Variants in PECR observed in about 807,000 individuals in gnomAD.
The protein encoded by PECR is 2,4-dienoyl-CoA reductase-related protein.
PECR carries 30 observed loss-of-function variants against 35.3 expected under a neutral mutation model. The ratio of observed to expected loss-of-function variants is 0.85; its 90% confidence interval spans 0.64 to 1.15. The LOEUF (loss-of-function observed/expected upper bound fraction) is 1.15, where lower values mean the gene tolerates loss of function less well. Among genes scored for constraint, PECR ranks in the 50% most tolerant of loss-of-function variants. PECR has a pLI of 0.00. For missense variants in PECR, 392 were observed against 370.8 expected, an observed-to-expected ratio of 1.06 and a Z score of -0.47; for synonymous variants, 148 against 138.9, an observed-to-expected ratio of 1.07 and a Z score of -0.46.
At chr2:216,061,131 A>C (rs1300705529) in intron 3 of PECR, among the ~76,000 whole-genome samples, 203 of 10,924 alleles carry the variant, frequency 0.019, 1 homozygote, top group African/African-American at 0.073. Flanking sequence ...GGCTCTACCA[A>C]AAAAAAAAAA....
downstream of PECR, among the ~76,000 whole-genome samples, chr2:216,035,362 G>A (rs780695922): frequency 6.6e-6 from 1 of 152,170 alleles, no homozygotes; most frequent in Admixed American, 6.5e-5. Flanking sequence ...GGATGCCAGA[G>A]GGCAGGTTTC....
At chr2:216,075,495 T>C (rs1423895552) in intron 1 of PECR, among the ~76,000 whole-genome samples, 1 of 152,204 alleles carries the variant, frequency 6.6e-6, no homozygotes, top group East Asian at 1.9e-4. Context: ...ACTGTTTTAA[T>C]TTATTGCAAA....
At chr2:216,073,716 A>ATT (rs1394518425) in intron 1 of PECR, among the ~76,000 whole-genome samples, 1 of 152,090 alleles carries the variant, frequency 6.6e-6, no homozygotes, top group East Asian at 1.9e-4. Flanking sequence ...GACCACAGAT[A>ATT]TTTACCTTTG....
intron 4 of PECR, among the ~76,000 whole-genome samples, 190 bp from the exon 5 acceptor site, chr2:216,051,735 C>T (rs561143536): frequency 6.6e-6 from 1 of 152,304 alleles, no homozygotes; most frequent in East Asian, 1.9e-4. Context: ...ATCCAAGCCA[C>T]AGCTGATGAT....
In PECR at chr2:216,065,132, T is replaced by A. The variant is rs1040455036; in HGVS notation, c.424+180A>T. 1.2e-5 allele frequency: 8 copies of A among 640,204 alleles called. No individual in the cohort carries two copies. The African/African-American group carries it at 1.4e-4, about 12-fold the overall frequency. 39.7% of individuals were successfully genotyped at this position (640,204 alleles called of 1,614,324 possible). On this transcript the variant is annotated intron_variant, in intron 3 of 7. Transcript: ENST00000265322. ...AATAAAATGATGAGATTGAAGGATA[T>A]CCACATTTTATAAATATTGCCAAAT...
At chr2:216,042,979 G>GTA (rs10623080) in intron 7 of PECR, among the ~76,000 whole-genome samples, 87,848 of 130,310 alleles carry the variant, frequency 0.67, 29,893 homozygotes, top group Admixed American at 0.73. Flanking sequence ...ACGTATATGT[G>GTA]TATATATATA....
intron 4 of PECR, among the ~76,000 whole-genome samples, chr2:216,055,403 C>G (rs7579787): frequency 0.48 from 72,343 of 149,198 alleles, 19,546 homozygotes; most frequent in Non-Finnish European, 0.59. Flanking sequence ...TGCCATTGCA[C>G]TCCAGCCTGG....
chr2:216,074,585 C>G (rs1420136782), intron 1 of PECR, among the ~76,000 whole-genome samples: 1 of 151,450 alleles, frequency 6.6e-6, no homozygotes, highest in Non-Finnish European at 1.5e-5. Context: ...AACAAGAACA[C>G]CAAGGTGATT....
intron 7 of PECR, 151 bp downstream of exon 7, chr2:216,043,753 A>T: frequency 1.6e-6 from 1 of 621,190 alleles, no homozygotes. Flanking sequence ...ATTTCATTAA[A>T]AAAATCACAT....
chr2:216,063,518 TG>T (rs1452045701), intron 3 of PECR, among the ~76,000 whole-genome samples: 5 of 151,798 alleles, frequency 3.3e-5, no homozygotes, highest in African/African-American at 1.2e-4. Context: ...CTTGGGAGGC[TG>T]AGGCAGGAAA....
chr2:216,081,667 G>A lies in PECR; in HGVS notation c.75C>T (p.Gly25=), dbSNP rs757515951. Residue 25 remains glycine (G), a synonymous_variant, in exon 1 of 8, where the codon GGC becomes GGT. Transcript: ENST00000265322. The stretch of plus-strand genomic sequence containing the variant: ...TGGCTTTTCCGATGCCCGTGGCCCC[G>A]CCGGTGACGATGGCCACTTGGCCCT... The part of the protein sequence containing the change: ...LLQGQVAIVT[G]GATGIGKAIV... 6 of 1,613,596 alleles carry A rather than the reference G, an allele frequency of 3.7e-6. No homozygotes were observed. The East Asian group carries it at 8.9e-5, about 24-fold the overall frequency.
chr2:216,058,341 C>T (rs926906869), intron 4 of PECR, among the ~76,000 whole-genome samples: 5 of 151,990 alleles, frequency 3.3e-5, no homozygotes, highest in African/African-American at 1.2e-4. Flanking sequence ...CTGCATAATC[C>T]AGGAAATGAG....
intron 3 of PECR, among the ~76,000 whole-genome samples, chr2:216,064,958 T>C (rs1418275927): frequency 6.6e-6 from 1 of 152,348 alleles, no homozygotes; most frequent in Admixed American, 6.5e-5. Flanking sequence ...GTATTCTCCC[T>C]GAATTTATTA....
At chr2:216,040,951 T>C (rs895715258) in intron 7 of PECR, among the ~76,000 whole-genome samples, 123 of 152,174 alleles carry the variant, frequency 8.1e-4, no homozygotes, top group African/African-American at 2.9e-3. Context: ...TATGTGTCCC[T>C]GCATACAGGA....
At chr2:216,045,903 C>G (rs1001759133) in intron 6 of PECR, among the ~76,000 whole-genome samples, 2 of 152,140 alleles carry the variant, frequency 1.3e-5, no homozygotes, top group Non-Finnish European at 2.9e-5. Flanking sequence ...ACCGGCCAGA[C>G]GCGGTGGCTC....
In PECR at chr2:216,048,333, C is replaced by T. The variant is rs192166650; in HGVS notation, c.714+930G>A. Among the ~76,000 whole-genome samples, 855 of 151,372 alleles carry T rather than the reference C, an allele frequency of 5.6e-3. 11 individuals carry two copies. Among genetic ancestry groups the T allele is most frequent in the African/African-American group, 0.02 (810 of 41,174 alleles). On this transcript the variant is annotated intron_variant, in intron 6 of 7. Transcript: ENST00000265322. ...CTCGTGATCCGCCTGCCTCGGCCTC[C>T]CAAAGTGCTGGGATTACAGGCATGA...
downstream of PECR, among the ~76,000 whole-genome samples, chr2:216,034,277 CT>C (rs1400016131): frequency 6.6e-6 from 1 of 152,194 alleles, no homozygotes; most frequent in Non-Finnish European, 1.5e-5. Context: ...AAAGAAACCC[CT>C]TAGACCTCCT....
Position 216,081,692 on chromosome 2 carries a change from T to G in PECR, c.50A>C (p.Gln17Pro). 1.9e-6 allele frequency: 3 copies of G among 1,613,676 alleles called. No homozygotes were observed. The highest frequency in any genetic ancestry group is 2.5e-6 in the Non-Finnish European group (3 of 1,179,950). ...GCCGGTGACGATGGCCACTTGGCCC[T>G]GCAGCAAACCAGGCGCCAGGTAGCT... ...GRSYLAPGLL[Q>P]GQVAIVTGGA... Residue 17 changes from glutamine to proline, a missense_variant, in exon 1 of 8, where the codon CAG (glutamine) becomes CCG (proline). Transcript: ENST00000265322.
intron 4 of PECR, among the ~76,000 whole-genome samples, chr2:216,058,438 G>GA (rs1189657724): frequency 2.0e-5 from 3 of 152,120 alleles, no homozygotes; most frequent in Admixed American, 2.0e-4. Context: ...AACTTTTGGA[G>GA]AAAAAATCCT....
Sources: allele counts gnomAD v4.1 joint callset (sites outside exome capture counted in the v4.1 genomes callset), GRCh38; gene constraint gnomAD v4.1.1; transcripts MANE v1.5; gene names NCBI Gene and HGNC (gene_info 2026-07-23, HGNC 2026-07-21).